The following XKR3 variants were observed in gnomAD, a reference collection of about 807,000 sequenced individuals.
The protein encoded by XKR3 is XK related 3, also known as XK-related protein 3.
XKR3 carries 27 observed loss-of-function variants against 40.3 expected under a neutral mutation model. That is an observed-to-expected ratio of 0.67 (90% CI 0.49 to 0.92). The LOEUF (loss-of-function observed/expected upper bound fraction) is 0.92, where lower values mean the gene tolerates loss of function less well. Among genes scored for constraint, XKR3 ranks in the 40% least tolerant of loss-of-function variants. XKR3 has a pLI of 0.00. For synonymous variants in XKR3, 193 were observed against 195.4 expected, an observed-to-expected ratio of 0.99 and a Z score of 0.10; for missense variants, 472 against 537.6, an observed-to-expected ratio of 0.88 and a Z score of 1.21.
chr22:16,813,477 G>A (rs924143327), intron 1 of XKR3, among the ~76,000 whole-genome samples: 5 of 152,078 alleles, frequency 3.3e-5, no homozygotes, highest in African/African-American at 1.2e-4. Flanking sequence ...ACTGAGGCAA[G>A]AAAGTTTAAG....
intron 1 of XKR3, among the ~76,000 whole-genome samples, chr22:16,815,747 C>G (rs1601851109): frequency 1.3e-5 from 2 of 151,874 alleles, no homozygotes; most frequent in East Asian, 3.8e-4. Flanking sequence ...ACTCATCAGT[C>G]TAGATGATTG....
At chr22:16,812,530 C>G (rs1419182461) in intron 1 of XKR3, among the ~76,000 whole-genome samples, 1 of 152,008 alleles carries the variant, frequency 6.6e-6, no homozygotes, top group Non-Finnish European at 1.5e-5. Flanking sequence ...AAAAAATTAG[C>G]TGGGCATGGT....
intron 1 of XKR3, among the ~76,000 whole-genome samples, chr22:16,823,384 A>G (rs192635774): frequency 2.5e-4 from 38 of 152,302 alleles, no homozygotes; most frequent in Admixed American, 2.0e-3. Context: ...CACCATCATC[A>G]TTTCTTAGAA....
rs763159994 is a variant in XKR3 at position 16,791,778 on chromosome 22, GGAGAGA to G, written c.590-7375_590-7370del. ...GAGAGAGGGAGAGAGGGAGAGAGAGGGAGAGAGAGAGAGAGAGAGAGAGAGAGAGAG... is the reference window on the plus strand; with the variant it reads ...GAGAGAGGGAGAGAGGGAGAGAGAGGGAGAGAGAGAGAGAGAGAGAGAGAG... On this transcript the variant is annotated intron_variant, in intron 3 of 3. Coordinates refer to ENST00000684488, the MANE Select transcript of XKR3 (RefSeq NM_001386955.1). Among the ~76,000 whole-genome samples the G allele has an allele frequency of 5.0e-3, 610 of 123,206 alleles. 2 individuals carry two copies. Among genetic ancestry groups the G allele is most frequent in the Non-Finnish European group, 7.7e-3 (455 of 59,380 alleles). The allele number at this position is 123,206 out of a possible 152,430, so 80.8% of individuals were successfully genotyped here.
intron 2 of XKR3, among the ~76,000 whole-genome samples, chr22:16,801,686 CA>C (rs71688132): frequency 0.048 from 5,844 of 121,706 alleles, 336 homozygotes; most frequent in African/African-American, 0.15. Flanking sequence ...AAGCTATCAG[CA>C]AAAAAAAAAA....
In XKR3 at chr22:16,784,189, G is replaced by A. The variant is rs1244181221; in HGVS notation, c.810C>T (p.Ile270=). The change falls in exon 4 of 4, where the codon ATC becomes ATT. Residue 270 remains isoleucine (I), a synonymous_variant. Coordinates refer to ENST00000684488, the MANE Select transcript of XKR3 (RefSeq NM_001386955.1). ...LKLKSLPVLL[I]IYFVSLLAPW... is the part of the protein sequence containing the mutation. ...GTGCCAACAATGATACAAAATATATGATTAACAAAACGGGTAGGCTCTTCA... is the reference window on the plus strand; with the variant it reads ...GTGCCAACAATGATACAAAATATATAATTAACAAAACGGGTAGGCTCTTCA... 6.8e-6 allele frequency: 11 copies of A among 1,614,048 alleles called. No individual in the cohort carries two copies. In the South Asian group the frequency reaches 1.1e-4, roughly 16 times the overall value.
chr22:16,802,221 C>T (rs182947229), intron 2 of XKR3, among the ~76,000 whole-genome samples: 52 of 152,252 alleles, frequency 3.4e-4, no homozygotes, highest in African/African-American at 1.1e-3. Context: ...CCTTTAAGTA[C>T]ACACTATCAT....
chr22:16,790,516 A>G (rs1393430264), intron 3 of XKR3, among the ~76,000 whole-genome samples: 1 of 152,160 alleles, frequency 6.6e-6, no homozygotes, highest in Non-Finnish European at 1.5e-5. Context: ...ACACATGGAC[A>G]AATAGAGGGA....
Position 16,805,091 on chromosome 22 carries a change from G to T in XKR3, c.335+2648C>A, listed in dbSNP as rs1320252112. ...TCTAACCAAAATAATTAGTTGTTGG[G>T]TTACCAGGTAAGATGTGAAAGGCAA... On this transcript the variant is annotated intron_variant, in intron 2 of 3. Coordinates refer to ENST00000684488, the MANE Select transcript of XKR3 (RefSeq NM_001386955.1). Among the ~76,000 whole-genome samples, 4 of 152,136 alleles carry T rather than the reference G, an allele frequency of 2.6e-5. No individual in the cohort carries two copies. In the East Asian group the frequency reaches 5.8e-4, roughly 22 times the overall value.
At chr22:16,786,255 T>C (rs2385712) in intron 3 of XKR3, among the ~76,000 whole-genome samples, 128,480 of 150,388 alleles carry the variant, frequency 0.85, 54,797 homozygotes, top group Middle Eastern at 0.97. Flanking sequence ...ACAAAACGCG[T>C]GCACACACAC....
intron 3 of XKR3, among the ~76,000 whole-genome samples, chr22:16,786,256 G>GCACACACACACA (rs750668264): frequency 0.33 from 48,927 of 148,326 alleles, 8,347 homozygotes; most frequent in East Asian, 0.44. Flanking sequence ...CAAAACGCGT[G>GCACACACACACA]CACACACACA....
rs59584234 is a variant in XKR3 at position 16,798,180 on chromosome 22, C to CAAA, written c.589+1588_589+1590dup. 5.9e-5 allele frequency among the ~76,000 whole-genome samples: 6 copies of CAAA among 102,456 alleles called. 1 individual carries two copies. Among genetic ancestry groups the CAAA allele is most frequent in the African/African-American group, 1.1e-4 (3 of 26,674 alleles). The allele number at this position is 102,456 out of a possible 152,430, so 67.2% of individuals were successfully genotyped here. A position where few individuals can be genotyped will look rare whatever the true frequency, so the allele number is the denominator to read the frequency against. On this transcript the variant is annotated intron_variant, in intron 3 of 3. Transcript: ENST00000684488. ...TGGCAACAAGAGTGAAACTCCATCTCAAAAAAAAAAAAACAACAACAACAA... is the reference window on the plus strand; with the variant it reads ...TGGCAACAAGAGTGAAACTCCATCTCAAAAAAAAAAAAAAAACAACAACAACAA...
At chr22:16,785,123 C>G (rs1321875541) in intron 3 of XKR3, among the ~76,000 whole-genome samples, 4 of 152,132 alleles carry the variant, frequency 2.6e-5, no homozygotes, top group Admixed American at 2.6e-4. Context: ...TGAGACCATC[C>G]TGGCTAACAC....
At chr22:16,815,357 T>G (rs2060228781) in intron 1 of XKR3, among the ~76,000 whole-genome samples, 1 of 152,026 alleles carries the variant, frequency 6.6e-6, no homozygotes, top group East Asian at 1.9e-4. Context: ...TGCTAGTATT[T>G]CCTTGGGAAT....
rs564919868 is a variant in XKR3, at chr22:16,801,184, A to G, written c.336-1160T>C. Among the ~76,000 whole-genome samples, 15 of 152,312 alleles carry G rather than the reference A, an allele frequency of 9.8e-5. No homozygotes were observed. The South Asian group carries it at 2.3e-3, about 23-fold the overall frequency. On this transcript the variant is annotated intron_variant, in intron 2 of 3. Coordinates refer to ENST00000684488, the MANE Select transcript of XKR3 (RefSeq NM_001386955.1). The stretch of plus-strand genomic sequence containing the variant: ...AGAAAAAGAGTTTCAAATTGTTACA[A>G]TCATGAATTCTCAGATTAAGGAAGT...
chr22:16,789,597 C>T (rs9605148), intron 3 of XKR3, among the ~76,000 whole-genome samples: 62,032 of 151,906 alleles, frequency 0.41, 12,916 homozygotes, highest in Middle Eastern at 0.51. Flanking sequence ...GTTTATAGGA[C>T]CCAAATAGGT....
At chr22:16,817,023 C>T (rs2060236480) in intron 1 of XKR3, among the ~76,000 whole-genome samples, 2 of 151,842 alleles carry the variant, frequency 1.3e-5, no homozygotes, top group Admixed American at 1.3e-4. Flanking sequence ...ATGTATTTTC[C>T]CCCACAACTG....
chr22:16,822,540 A>G (rs1400742636), intron 1 of XKR3, among the ~76,000 whole-genome samples: 1 of 152,204 alleles, frequency 6.6e-6, no homozygotes, highest in Non-Finnish European at 1.5e-5. Context: ...AAATAAAAAT[A>G]GTAAAATCCA....
chr22:16,818,087 A>G (rs2060241176), intron 1 of XKR3, among the ~76,000 whole-genome samples: 1 of 152,080 alleles, frequency 6.6e-6, no homozygotes, highest in East Asian at 1.9e-4. Flanking sequence ...AACTTCTTCG[A>G]GATTAATTTT....
Sources: gnomAD v4.1 joint callset for allele counts (sites outside exome capture counted in the v4.1 genomes callset) on GRCh38, gnomAD v4.1.1 for gene constraint, MANE v1.5 for transcripts, NCBI Gene and HGNC (gene_info 2026-07-23, HGNC 2026-07-21) for gene names.